Variants in BNIP5 observed in about 807,000 individuals in gnomAD.
The protein encoded by BNIP5 is protein BNIP5.
Under a neutral mutation model 67.3 loss-of-function variants are expected in BNIP5, and 61 were observed. The observed-to-expected ratio is 0.91, with a 90% CI of 0.74 to 1.12. The LOEUF is 1.12. Ranked by LOEUF, BNIP5 falls within the 50% of genes most tolerant of loss-of-function variation. The pLI is 0.00. For missense variants in BNIP5, 826 were observed against 816.3 expected (o/e 1.01, Z -0.14); for synonymous variants, 317 against 319.0 (o/e 0.99, Z 0.07).
Position 36,316,223 on chromosome 6 carries a change from C to T in BNIP5, c.*1133G>A, listed in dbSNP as rs1353646832. On this transcript the variant is annotated 3_prime_UTR_variant, in exon 12 of 12. Transcript: ENST00000437635. Reference sequence around the variant, plus strand: ...GATCTCACTTGCCATCCAGGTTTAACACCCTTTCCCCCATGACCACATGTT... The same window carrying T: ...GATCTCACTTGCCATCCAGGTTTAATACCCTTTCCCCCATGACCACATGTT... The T allele has an allele frequency of 1.6e-5, 5 of 311,846 alleles. No individual in the cohort carries two copies. The highest frequency in any genetic ancestry group is 4.9e-5 in the East Asian group (1 of 20,232). The allele number at this position is 311,846 out of a possible 1,614,324, so 19.3% of individuals were successfully genotyped here.
Position 36,326,609 on chromosome 6 carries a change from C to G in BNIP5, c.937G>C (p.Ala313Pro). The G allele has an allele frequency of 6.2e-7, 1 of 1,614,228 alleles. No individual in the cohort carries two copies. The highest frequency in any genetic ancestry group is 1.3e-5 in the African/African-American group (1 of 75,066). ...KHGSEEAKRG[A>P]ADVSSPEAWP... The stretch of plus-strand genomic sequence containing the variant: ...GCCTCTGGACTGGAAACATCTGCAG[C>G]CCCCCTCTTGGCCTCCTCGGAGCCG... The change falls in exon 5 of 12, where the codon GCT (alanine) becomes CCT (proline). Residue 313 changes from alanine (A) to proline (P), a missense_variant. Transcript: ENST00000437635.
intron 1 of BNIP5, 55 bp from the exon 2 acceptor site, chr6:36,330,749 T>C (rs920109511): frequency 3.9e-5 from 58 of 1,504,818 alleles, no homozygotes; most frequent in Non-Finnish European, 4.7e-5. Flanking sequence ...TTTTGATTTG[T>C]TTGTTTGTTT....
At chr6:36,336,097 G>C (rs1772012112) in intron 1 of BNIP5, among the ~76,000 whole-genome samples, 1 of 152,126 alleles carries the variant, frequency 6.6e-6, no homozygotes, top group South Asian at 2.1e-4. Context: ...GAGTCGGTCA[G>C]GACTGTGGGT....
intron 1 of BNIP5, among the ~76,000 whole-genome samples, chr6:36,333,984 G>A (rs1255755090): frequency 2.0e-5 from 3 of 152,180 alleles, no homozygotes; most frequent in East Asian, 3.8e-4. Context: ...GGGACCCATC[G>A]CACGGAGGAC....
rs1441222008 is a variant in BNIP5, at chr6:36,329,936, GGGAGGGA to G, written c.610+138_610+144del. 3.8e-6 allele frequency: 3 copies of G among 790,424 alleles called. No homozygotes were observed. The African/African-American group carries it at 5.2e-5, about 14-fold the overall frequency. The allele number at this position is 790,424 out of a possible 1,614,324, so 49.0% of individuals were successfully genotyped here. A position where few individuals can be genotyped will look rare whatever the true frequency, so the allele number is the denominator to read the frequency against. On this transcript the variant is annotated intron_variant, in intron 2 of 11. Transcript: ENST00000437635. ...AGGAAAGAAGGAAGGGAGGGAGGAA[GGGAGGGA>G]GGAAGGAAGGAAGGAAGTCACAGCG...
At position 36,330,176 on chromosome 6, in the gene BNIP5, G is replaced by T; in HGVS notation, c.515C>A (p.Ala172Asp). The T allele has an allele frequency of 3.1e-6, 5 of 1,614,024 alleles. No homozygotes were observed. Among genetic ancestry groups the T allele is most frequent in the South Asian group, 1.1e-5 (1 of 91,082 alleles). ...TCGGCCTCTGGCCTCCTGGTCTTGA[G>T]CTGCCTTAGTCACCTCGGCCGCGTG... ...KKHAAEVTKA[A>D]QDQEARGREE... is the part of the protein sequence containing the mutation. The change falls in exon 2 of 12, where the codon GCT becomes GAT. Residue 172 changes from alanine to aspartate, a missense_variant. Coordinates refer to ENST00000437635, the MANE Select transcript of BNIP5 (RefSeq NM_001010903.5).
At chr6:36,323,691 G>A (rs998465847) in intron 7 of BNIP5, among the ~76,000 whole-genome samples, 158 bp from the exon 8 acceptor site, 2 of 152,088 alleles carry the variant, frequency 1.3e-5, no homozygotes, top group Non-Finnish European at 2.9e-5. Context: ...GGAGGGGGCT[G>A]GGGAAGCTTC....
At chr6:36,334,839 G>A (rs1171095266) in intron 1 of BNIP5, among the ~76,000 whole-genome samples, 1 of 152,106 alleles carries the variant, frequency 6.6e-6, no homozygotes, top group African/African-American at 2.4e-5. Context: ...TGCCCCAGGT[G>A]CTCAACTACG....
At chr6:36,331,446 A>G (rs894174719) in intron 1 of BNIP5, among the ~76,000 whole-genome samples, 1 of 152,144 alleles carries the variant, frequency 6.6e-6, no homozygotes, top group Non-Finnish European at 1.5e-5. Context: ...TACAGTAGCA[A>G]TGGAAAACGA....
rs772121632 is a variant in BNIP5, at chr6:36,322,337, G to C, written c.1577C>G (p.Pro526Arg). Residue 526 changes from proline to arginine, a missense_variant, in exon 9 of 12, where the codon CCT becomes CGT. Physicochemically the swap from Pro to Arg is moderately radical, Grantham distance 103. Transcript: ENST00000437635. ...QARGHTPEGA[P>R]QLSGACESKE... is the part of the protein sequence containing the mutation. ...AGATTCACATGCTCCACTCAGCTGA[G>C]GTGCCCCTTCTGGCGTGTGGCCTCT... 4 of 1,614,172 alleles carry C rather than the reference G, an allele frequency of 2.5e-6. No homozygotes were observed. Among genetic ancestry groups the C allele is most frequent in the Non-Finnish European group, 3.4e-6 (4 of 1,180,020 alleles).
chr6:36,323,057 G>A (rs1166329271), intron 8 of BNIP5, among the ~76,000 whole-genome samples: 2 of 152,220 alleles, frequency 1.3e-5, no homozygotes, highest in African/African-American at 4.8e-5. Flanking sequence ...AGAGGGAGGG[G>A]AGGGCGTGTG....
At position 36,327,072 on chromosome 6, in the gene BNIP5, T is replaced by A. The variant is rs1771781638; in HGVS notation, c.750A>T (p.Ile250=). 1 of 1,614,046 alleles carries A rather than the reference T, an allele frequency of 6.2e-7. No individual in the cohort carries two copies. The highest frequency in any genetic ancestry group is 8.5e-7 in the Non-Finnish European group (1 of 1,179,968). ...CTCCCACTCTTTTGAGCAATTCCAC[T>A]ATCATCTGAATGATAGCATCCTCTG... ...KPDQDAIIQM[I]VELLKRVGDQ... is the part of the protein sequence containing the mutation. The change falls in exon 4 of 12, where the codon ATA becomes ATT. Residue 250 remains isoleucine, a synonymous_variant. Transcript: ENST00000437635.
intron 2 of BNIP5, among the ~76,000 whole-genome samples, chr6:36,328,926 C>T (rs1432135354): frequency 3.3e-5 from 5 of 152,154 alleles, no homozygotes; most frequent in East Asian, 1.9e-4. Flanking sequence ...ACACCTCTCT[C>T]GCTAACCCCC....
chr6:36,324,232 A>G, intron 6 of BNIP5, 42 bp from the exon 7 acceptor site: 1 of 1,552,788 alleles, frequency 6.4e-7, no homozygotes, highest in Non-Finnish European at 8.9e-7. Context: ...GGTGCTACGA[A>G]ATCTCTTCTG....
chr6:36,335,893 C>T (rs896411659), intron 1 of BNIP5, among the ~76,000 whole-genome samples: 6 of 152,202 alleles, frequency 3.9e-5, no homozygotes, highest in African/African-American at 1.2e-4. Context: ...TACACATGCA[C>T]GCACTTACAC....
intron 1 of BNIP5, among the ~76,000 whole-genome samples, chr6:36,332,505 A>G (rs1771929769): frequency 6.6e-6 from 1 of 152,296 alleles, no homozygotes; most frequent in Admixed American, 6.5e-5. Flanking sequence ...AATGTCTAGC[A>G]TATCACTGCC....
rs1234204720 is a variant in BNIP5 at position 36,326,751 on chromosome 6, T to C, written c.795A>G (p.Gln265=). ...CCACCCCCAGCTGTGAGGCCAGAGA[T>C]TGCTGTTGGGGAGAGGAGAAAAACT... is the stretch of plus-strand genomic sequence containing the variant. The part of the protein sequence containing the change: ...KRVGDQWEEE[Q]SLASQLGVAL... Residue 265 remains glutamine, a splice_region_variant and synonymous_variant, in exon 5 of 12, where the codon CAA becomes CAG. Coordinates refer to ENST00000437635, the MANE Select transcript of BNIP5 (RefSeq NM_001010903.5). 1 of 1,613,886 alleles carries C rather than the reference T, an allele frequency of 6.2e-7. No homozygotes were observed. The highest frequency in any genetic ancestry group is 8.5e-7 in the Non-Finnish European group (1 of 1,180,006).
intron 2 of BNIP5, among the ~76,000 whole-genome samples, 200 bp downstream of exon 2, chr6:36,329,881 A>AAGGAGG (rs555624788): frequency 7.0e-4 from 104 of 147,884 alleles, no homozygotes; most frequent in African/African-American, 2.6e-3. Flanking sequence ...GAGAAAGAAG[A>AAGGAGG]AGGAGGAGGA....
chr6:36,324,023 C>G, intron 7 of BNIP5, 106 bp downstream of exon 7: 1 of 803,416 alleles, frequency 1.2e-6, no homozygotes. Context: ...AAAGGAGGGA[C>G]TGGAGCAGGA....
Sources: allele counts gnomAD v4.1 joint callset (sites outside exome capture counted in the v4.1 genomes callset), GRCh38; gene constraint gnomAD v4.1.1; transcripts MANE v1.5; gene names NCBI Gene and HGNC (gene_info 2026-07-23, HGNC 2026-07-21).